Variants in B3GALNT2 observed in about 807,000 individuals in gnomAD.
B3GALNT2 encodes UDP-GalNAc:beta-1,3-N-acetylgalactosaminyltransferase 2.
B3GALNT2 carries 53 observed loss-of-function variants against 61.1 expected under a neutral mutation model. That is an observed-to-expected ratio of 0.87 (90% CI 0.70 to 1.09). The LOEUF (loss-of-function observed/expected upper bound fraction) is 1.09, where lower values mean the gene tolerates loss of function less well. Among genes scored for constraint, B3GALNT2 ranks in the 50% least tolerant of loss-of-function variants. B3GALNT2 has a pLI of 0.00. For missense variants in B3GALNT2, 544 were observed against 623.0 expected, an observed-to-expected ratio of 0.87 and a Z score of 1.35; for synonymous variants, 223 against 237.4, an observed-to-expected ratio of 0.94 and a Z score of 0.56.
intron 2 of B3GALNT2, among the ~76,000 whole-genome samples, chr1:235,489,819 C>G (rs761423807): frequency 3.3e-5 from 5 of 152,172 alleles, no homozygotes; most frequent in Admixed American, 6.5e-5. Flanking sequence ...ACACTTTACA[C>G]TGAGGTCCTA....
At chr1:235,464,501 C>T (rs1053223129) in intron 7 of B3GALNT2, 3 of 151,586 alleles carry the variant, frequency 2.0e-5, no homozygotes, top group African/African-American at 2.4e-5. Context: ...CTCCTCCCTC[C>T]CTCACTTCCC....
intron 9 of B3GALNT2, 123 bp downstream of exon 9, chr1:235,455,436 C>A: frequency 1.9e-6 from 2 of 1,049,618 alleles, no homozygotes; most frequent in South Asian, 3.4e-5. Context: ...TATATAAACC[C>A]AGGAGTCTAG....
At position 235,478,345 on chromosome 1, in the gene B3GALNT2, C is replaced by A. The variant is rs530136780; in HGVS notation, c.651+1709G>T. On this transcript the variant is annotated intron_variant, in intron 5 of 11. Transcript: ENST00000366600. ...GGATTACAGGTGTGAGCCACTGAGCCCGACCTGAACCACCATTCCTGAAGT... is the reference window on the plus strand; with the variant it reads ...GGATTACAGGTGTGAGCCACTGAGCACGACCTGAACCACCATTCCTGAAGT... 3.9e-5 allele frequency among the ~76,000 whole-genome samples: 6 copies of A among 152,280 alleles called. No individual in the cohort carries two copies. In the East Asian group the frequency reaches 5.8e-4, roughly 15 times the overall value.
rs1683129917 is a variant in B3GALNT2, at chr1:235,455,636, GTCA to G, written c.1071_1073del (p.Asp358del). On this transcript the variant is annotated inframe_deletion, in exon 9 of 12. Coordinates refer to ENST00000366600, the MANE Select transcript of B3GALNT2 (RefSeq NM_152490.5). ...ATACAGCTTCGAGGTCTATGTAACA[GTCA>G]TCATCTGTCTTCAGCAACAAATTGA... 2 of 1,603,720 alleles carry G rather than the reference GTCA, an allele frequency of 1.2e-6. No homozygotes were observed. The highest frequency in any genetic ancestry group is 3.3e-5 in the Admixed American group (2 of 59,972).
At chr1:235,502,463 C>T (rs291347) in intron 1 of B3GALNT2, among the ~76,000 whole-genome samples, 68,367 of 152,094 alleles carry the variant, frequency 0.45, 16,025 homozygotes, top group Non-Finnish European at 0.5. Flanking sequence ...TGACCAGATA[C>T]ACAGTACTCA....
Position 235,450,715 on chromosome 1 carries a change from C to T in B3GALNT2, c.1369-375G>A. On this transcript the variant is annotated intron_variant, in intron 11 of 11. Coordinates refer to ENST00000366600, the MANE Select transcript of B3GALNT2 (RefSeq NM_152490.5). ...TGGAATGCTTACAATATTGCAGGGA[C>T]TGTACCAAGTGCTTTGTAAATATCT... 1.6e-5 allele frequency: 3 copies of T among 190,674 alleles called. No individual in the cohort carries two copies. In the South Asian group the frequency reaches 3.3e-4, roughly 21 times the overall value. 11.8% of individuals were successfully genotyped at this position (190,674 alleles called of 1,614,324 possible).
At chr1:235,499,851 C>T (rs2102872350) in intron 1 of B3GALNT2, among the ~76,000 whole-genome samples, 1 of 152,272 alleles carries the variant, frequency 6.6e-6, no homozygotes, top group African/African-American at 2.4e-5. Flanking sequence ...AGGACCCTCT[C>T]TGGTATGAGG....
intron 7 of B3GALNT2, among the ~76,000 whole-genome samples, chr1:235,463,213 T>C (rs1052654250): frequency 1.3e-5 from 2 of 152,096 alleles, no homozygotes; most frequent in Admixed American, 6.6e-5. Context: ...ACAATGGACT[T>C]TGGGGACTTG....
chr1:235,469,950 T>A (rs1183194749), intron 6 of B3GALNT2, among the ~76,000 whole-genome samples: 1 of 152,180 alleles, frequency 6.6e-6, no homozygotes, highest in East Asian at 1.9e-4. Context: ...CAGGCTGGAG[T>A]GCAGTGGTGT....
In B3GALNT2 at chr1:235,448,762, A is replaced by ACAAC; in HGVS notation, c.*1440_*1443dup. The ACAAC allele has an allele frequency of 6.2e-7, 1 of 1,604,084 alleles. No homozygotes were observed. The highest frequency in any genetic ancestry group is 8.5e-7 in the Non-Finnish European group (1 of 1,171,140). On this transcript the variant is annotated 3_prime_UTR_variant, in exon 12 of 12. Coordinates refer to ENST00000366600, the MANE Select transcript of B3GALNT2 (RefSeq NM_152490.5). ...GAGATTGTCTATTAGTGCGATGGTG[A>ACAAC]CAACCAACTAATAAAATTTAAAGAC...
intron 1 of B3GALNT2, among the ~76,000 whole-genome samples, chr1:235,497,097 T>C (rs1685362766): frequency 6.6e-6 from 1 of 152,218 alleles, no homozygotes; most frequent in Admixed American, 6.5e-5. Context: ...TTTTTTTAAC[T>C]CATAGCTCAG....
intron 4 of B3GALNT2, among the ~76,000 whole-genome samples, chr1:235,483,450 C>T (rs1466423628): frequency 6.6e-6 from 1 of 152,072 alleles, no homozygotes; most frequent in Admixed American, 6.6e-5. Flanking sequence ...AAAGAAAAAG[C>T]ACACCAGGCC....
At chr1:235,481,422 C>G (rs1684560406) in intron 4 of B3GALNT2, among the ~76,000 whole-genome samples, 1 of 152,162 alleles carries the variant, frequency 6.6e-6, no homozygotes, top group Admixed American at 6.5e-5. Context: ...CACTGTAATG[C>G]AGCCTCGACC....
chr1:235,464,750 G>C (rs989534533), intron 7 of B3GALNT2: 2 of 151,660 alleles, frequency 1.3e-5, no homozygotes, highest in African/African-American at 4.8e-5. Flanking sequence ...GTGAGGCCTC[G>C]TCTCAGAAAA....
Position 235,480,041 on chromosome 1 carries a change from TG to T in B3GALNT2, c.651+12del. 6 of 1,613,570 alleles carry T rather than the reference TG, an allele frequency of 3.7e-6. No homozygotes were observed. The highest frequency in any genetic ancestry group is 1.3e-5 in the African/African-American group (1 of 75,030). On this transcript the variant is annotated intron_variant, in intron 5 of 11. Coordinates refer to ENST00000366600, the MANE Select transcript of B3GALNT2 (RefSeq NM_152490.5). Reference sequence around the variant, plus strand: ...CTGCATTGGTACTACAGTCTTTTCCTGCCATCCTGTACCTCTGGTAAGATGA... The same window carrying T: ...CTGCATTGGTACTACAGTCTTTTCCTCCATCCTGTACCTCTGGTAAGATGA...
At chr1:235,477,683 A>G (rs890560571) in intron 5 of B3GALNT2, among the ~76,000 whole-genome samples, 6 of 152,194 alleles carry the variant, frequency 3.9e-5, no homozygotes, top group African/African-American at 1.4e-4. Context: ...TTTACCCACT[A>G]GATGCCAGTA....
At chr1:235,440,071 C>T in the B3GALNT2 span, among the ~76,000 whole-genome samples, 190 of 151,706 alleles carry the variant, frequency 1.3e-3, no homozygotes, top group Non-Finnish European at 2.3e-3. Flanking sequence ...CCCGGGTTCA[C>T]GCCATTCTCC....
intron 5 of B3GALNT2, among the ~76,000 whole-genome samples, chr1:235,473,791 C>CTA (rs946373635): frequency 3.9e-5 from 6 of 152,138 alleles, no homozygotes; most frequent in Non-Finnish European, 8.8e-5. Flanking sequence ...AAAGTAAAAA[C>CTA]TATAGTGACC....
chr1:235,500,949 C>T (rs1307944936), intron 1 of B3GALNT2, among the ~76,000 whole-genome samples: 3 of 152,182 alleles, frequency 2.0e-5, no homozygotes, highest in Non-Finnish European at 4.4e-5. Context: ...TGTTTTCTGA[C>T]CTTCTACTTG....
Sources: gnomAD v4.1 joint callset for allele counts (sites outside exome capture counted in the v4.1 genomes callset) on GRCh38, gnomAD v4.1.1 for gene constraint, MANE v1.5 for transcripts, NCBI Gene and HGNC (gene_info 2026-07-23, HGNC 2026-07-21) for gene names.